The following OTOG variants were observed in gnomAD, a reference collection of about 807,000 sequenced individuals.
OTOG encodes the protein otogelin.
A neutral mutation model predicts 313.8 loss-of-function variants in OTOG; 296 were observed. The ratio of observed to expected loss-of-function variants is 0.94; its 90% CI spans 0.86 to 1.04. The LOEUF is 1.04. Among genes scored for constraint, OTOG ranks in the 50% least tolerant of loss-of-function variants. The probability of loss-of-function intolerance (pLI) is 0.00; values close to 1 mark genes in which losing one functional copy is unlikely to be tolerated. For synonymous variants in OTOG, 1,533 were observed against 1,554.9 expected, an observed-to-expected ratio of 0.99 and a Z score of 0.33; for missense variants, 3,948 against 3,840.1, an observed-to-expected ratio of 1.03 and a Z score of -0.74.
At chr11:17,607,092 C>T (rs191947144) in intron 33 of OTOG, among the ~76,000 whole-genome samples, 1 of 152,376 alleles carries the variant, frequency 6.6e-6, no homozygotes, top group Non-Finnish European at 1.5e-5. Context: ...TTGGTTTCTT[C>T]ACCTGTAGAA....
At chr11:17,642,442 A>G (rs1381579388) in intron 53 of OTOG, among the ~76,000 whole-genome samples, 196 bp downstream of exon 53, 1 of 152,224 alleles carries the variant, frequency 6.6e-6, no homozygotes, top group Non-Finnish European at 1.5e-5. Flanking sequence ...CTCTTCACAC[A>G]TCACATGACC....
chr11:17,628,976 C>T (rs534748092), intron 39 of OTOG, among the ~76,000 whole-genome samples, 157 bp from the exon 40 acceptor site: 16 of 152,288 alleles, frequency 1.1e-4, no homozygotes, highest in Admixed American at 5.9e-4. Flanking sequence ...GCTGCATGTG[C>T]CTGAAACAGA....
intron 4 of OTOG, among the ~76,000 whole-genome samples, chr11:17,552,521 T>TCCTGTGTCCCTCACCTG (rs1851957988): frequency 6.6e-5 from 2 of 30,424 alleles, no homozygotes; most frequent in African/African-American, 4.6e-4. Context: ...CCTGTGTCTG[T>TCCTGTGTCCCTCACCTG]TCCTACCTCC....
intron 20 of OTOG, 75 bp from the exon 21 acceptor site, chr11:17,576,480 TG>T (rs1565100220): frequency 1.6e-6 from 2 of 1,214,144 alleles, no homozygotes; most frequent in African/African-American, 1.5e-5. Flanking sequence ...TGGCTGAGGG[TG>T]GGGTCCCTGT....
chr11:17,604,238 G>A (rs962174670), intron 32 of OTOG, among the ~76,000 whole-genome samples: 3 of 152,320 alleles, frequency 2.0e-5, no homozygotes, highest in East Asian at 1.9e-4. Flanking sequence ...GTACAGCCCC[G>A]GACTCTGCAT....
rs766857901 is a variant in OTOG at position 17,574,721 on chromosome 11, A to T, written c.2295A>T (p.Ala765=). 4.3e-5 allele frequency: 66 copies of T among 1,550,122 alleles called. No individual in the cohort carries two copies. Among genetic ancestry groups the T allele is most frequent in the Non-Finnish European group, 7.0e-6 (8 of 1,146,780 alleles). Residue 765 remains alanine (A), a splice_region_variant and synonymous_variant, in exon 20 of 56, where the codon GCA becomes GCT. Coordinates refer to ENST00000399397, the MANE Select transcript of OTOG (RefSeq NM_001292063.2). The stretch of plus-strand genomic sequence containing the variant: ...TGCACCACTCCCCCCTCACTGCAGC[A>T]CTGTCCTGTGAGGCCTCCAAGGAGT... ...VDFRARLPAC[A]LSCEASKEYS...
At chr11:17,585,469 A>G (rs1852770904) in intron 23 of OTOG, among the ~76,000 whole-genome samples, 1 of 152,116 alleles carries the variant, frequency 6.6e-6, no homozygotes, top group South Asian at 2.1e-4. Flanking sequence ...ATCTGGTTTC[A>G]CTGATTTTTC....
intron 23 of OTOG, among the ~76,000 whole-genome samples, chr11:17,581,489 G>A (rs1412010612): frequency 6.6e-6 from 1 of 152,184 alleles, no homozygotes; most frequent in Non-Finnish European, 1.5e-5. Flanking sequence ...AATTGGCTGG[G>A]CCAATAGAAA....
At chr11:17,597,545 G>C (rs1853142010) in intron 30 of OTOG, among the ~76,000 whole-genome samples, 1 of 152,178 alleles carries the variant, frequency 6.6e-6, no homozygotes, top group South Asian at 2.1e-4. Context: ...CAGAGTAATG[G>C]TGGTCTGCAG....
In OTOG at chr11:17,578,541, T is replaced by A; in HGVS notation, c.2759+15T>A. 2 of 1,512,460 alleles carry A rather than the reference T, an allele frequency of 1.3e-6. No individual in the cohort carries two copies. Among genetic ancestry groups the A allele is most frequent in the East Asian group, 4.9e-5 (2 of 40,448 alleles). 93.7% of individuals were successfully genotyped at this position (1,512,460 alleles called of 1,614,324 possible). The stretch of plus-strand genomic sequence containing the variant: ...TGTCCCCAGGGGTAAGTACCCATGG[T>A]GTCGTGGGCCCGTGATCCTGAAGGC... On this transcript the variant is annotated intron_variant, in intron 23 of 55. Transcript: ENST00000399397.
chr11:17,572,227 G>A (rs1590010584), intron 18 of OTOG, 23 bp downstream of exon 18: 1 of 1,550,042 alleles, frequency 6.5e-7, no homozygotes, highest in Non-Finnish European at 8.7e-7. Flanking sequence ...GGGAAGAGGA[G>A]AGGCATGGTT....
Position 17,612,906 on chromosome 11 carries a change from G to T in OTOG, c.6438+141G>T. The T allele has an allele frequency of 8.4e-6, 9 of 1,070,076 alleles. No individual in the cohort carries two copies. The South Asian group carries it at 8.5e-5, about 10-fold the overall frequency. The allele number at this position is 1,070,076 out of a possible 1,614,324, so 66.3% of individuals were successfully genotyped here. On this transcript the variant is annotated intron_variant, in intron 38 of 55. Transcript: ENST00000399397. ...GAGCTCCCTCTGTCTCCAGGAATGG[G>T]CAGGGCCTCCCAGGTGATGGCTCCC...
At chr11:17,613,537 T>G in intron 38 of OTOG, 75 bp from the exon 39 acceptor site, 4 of 1,252,222 alleles carry the variant, frequency 3.2e-6, no homozygotes, top group South Asian at 2.6e-5. Context: ...TGTACTCACA[T>G]TTGCTGTGCC....
At chr11:17,613,283 T>G (rs573896483) in intron 38 of OTOG, among the ~76,000 whole-genome samples, 4 of 135,994 alleles carry the variant, frequency 2.9e-5, no homozygotes, top group African/African-American at 1.1e-4. Context: ...CTGTCTGTCT[T>G]TCTCCTTCTT....
intron 27 of OTOG, 87 bp from the exon 28 acceptor site, chr11:17,593,960 T>C: frequency 6.6e-7 from 1 of 1,513,944 alleles, no homozygotes; most frequent in South Asian, 1.2e-5. Context: ...AGGTCTATGA[T>C]AGACTCCTGG....
chr11:17,568,189 G>A (rs988492352), intron 15 of OTOG, among the ~76,000 whole-genome samples: 1 of 152,190 alleles, frequency 6.6e-6, no homozygotes, highest in Admixed American at 6.5e-5. Context: ...TTACAGGCGT[G>A]AGCCACCGCA....
At chr11:17,578,616 A>C in intron 23 of OTOG, 90 bp downstream of exon 23, 2 of 1,413,176 alleles carry the variant, frequency 1.4e-6, no homozygotes, top group Non-Finnish European at 9.3e-7. Context: ...AAAACATCAC[A>C]TGGCCTTGTA....
At chr11:17,576,979 G>A in intron 22 of OTOG, 68 bp downstream of exon 22, 1 of 1,465,356 alleles carries the variant, frequency 6.8e-7, no homozygotes, top group Non-Finnish European at 9.2e-7. Flanking sequence ...GGGGAGTGGA[G>A]CACTGATCAG....
chr11:17,644,852 G>A lies in OTOG; in HGVS notation c.8462-712G>A, dbSNP rs1848042841. Among the ~76,000 whole-genome samples, 4 of 152,300 alleles carry A rather than the reference G, an allele frequency of 2.6e-5. No individual in the cohort carries two copies. The South Asian group carries it at 6.2e-4, about 24-fold the overall frequency. ...AGCAAGGGAGGGGTCAGGGAGGGAG[G>A]ACTGAGTAGAGGCAGTGAGTTGCAA... On this transcript the variant is annotated intron_variant, in intron 54 of 55. Transcript: ENST00000399397.
Sources: gnomAD v4.1 joint callset for allele counts (sites outside exome capture counted in the v4.1 genomes callset) on GRCh38, gnomAD v4.1.1 for gene constraint, MANE v1.5 for transcripts, NCBI Gene and HGNC (gene_info 2026-07-23, HGNC 2026-07-21) for gene names.